Variants in PIK3R6 observed in about 807,000 individuals in gnomAD.
PIK3R6 encodes the protein phosphoinositide 3-kinase regulatory subunit 6.
Under a neutral mutation model 84.9 loss-of-function variants are expected in PIK3R6, and 91 were observed. The observed-to-expected ratio is 1.07, with a 90% confidence interval of 0.90 to 1.28. The LOEUF (loss-of-function observed/expected upper bound fraction) is 1.28, where lower values mean the gene tolerates loss of function less well. PIK3R6 is among the 50% of genes most tolerant of loss of function. The pLI is 0.00. For missense variants in PIK3R6, 996 were observed against 985.1 expected, an observed-to-expected ratio of 1.01 and a Z score of -0.15; for synonymous variants, 416 against 411.4, an observed-to-expected ratio of 1.01 and a Z score of -0.13.
intron 13 of PIK3R6, among the ~76,000 whole-genome samples, chr17:8,826,909 G>A (rs2087936539): frequency 6.6e-6 from 1 of 152,034 alleles, no homozygotes; most frequent in South Asian, 2.1e-4. Context: ...TCTTTTCCAC[G>A]GTGGTCTGGT....
intron 1 of PIK3R6, among the ~76,000 whole-genome samples, chr17:8,860,904 T>G (rs1471012866): frequency 7.8e-6 from 1 of 127,868 alleles, no homozygotes; most frequent in Non-Finnish European, 1.6e-5. Context: ...TATTGGGCTC[T>G]TGAAAGCAGA....
At chr17:8,837,481 C>T (rs927669468) in intron 5 of PIK3R6, among the ~76,000 whole-genome samples, 2 of 152,160 alleles carry the variant, frequency 1.3e-5, no homozygotes, top group Non-Finnish European at 1.5e-5. Context: ...ACGCAGCTCC[C>T]GATTACTCCT....
At position 8,829,366 on chromosome 17, in the gene PIK3R6, A is replaced by C. The variant is rs550051178; in HGVS notation, c.889+340T>G. 1.8e-4 allele frequency among the ~76,000 whole-genome samples: 15 copies of C among 84,972 alleles called. No homozygotes were observed. The East Asian group carries it at 4.9e-3, about 28-fold the overall frequency. The allele number at this position is 84,972 out of a possible 152,430, so 55.7% of individuals were successfully genotyped here. A position where few individuals can be genotyped will look rare whatever the true frequency, so the allele number is the denominator to read the frequency against. On this transcript the variant is annotated intron_variant, in intron 10 of 19. Coordinates refer to ENST00000619866, the MANE Select transcript of PIK3R6 (RefSeq NM_001010855.4). ...CACACAGACACACTGACACACACAC[A>C]TGCATGGATACACACACTGACACAC...
intron 8 of PIK3R6, 125 bp downstream of exon 8, chr17:8,835,148 A>T: frequency 8.9e-7 from 1 of 1,126,620 alleles, no homozygotes; most frequent in Non-Finnish European, 1.2e-6. Context: ...AAAATGTATT[A>T]ATTTTTGATT....
chr17:8,835,672 C>T (rs1184598817), intron 7 of PIK3R6, among the ~76,000 whole-genome samples: 1 of 152,138 alleles, frequency 6.6e-6, no homozygotes, highest in East Asian at 1.9e-4. Flanking sequence ...AGAGGGGCAG[C>T]TCTAATCCAC....
At chr17:8,861,087 C>T (rs1171655398) in intron 1 of PIK3R6, among the ~76,000 whole-genome samples, 1 of 150,126 alleles carries the variant, frequency 6.7e-6, no homozygotes, top group Non-Finnish European at 1.5e-5. Flanking sequence ...GAGGCTGAGG[C>T]AGGAGAATTG....
At chr17:8,863,829 C>T (rs937720098) in intron 1 of PIK3R6, among the ~76,000 whole-genome samples, 10 of 152,162 alleles carry the variant, frequency 6.6e-5, no homozygotes, top group East Asian at 1.9e-4. Flanking sequence ...CCACCGCGCC[C>T]GGCCAGTTTC....
At position 8,827,211 on chromosome 17, in the gene PIK3R6, G is replaced by T. The variant is rs1481064963; in HGVS notation, c.1476C>A (p.Val492=). The change falls in exon 13 of 20, where the codon GTC becomes GTA. Residue 492 remains valine, a synonymous_variant. Transcript: ENST00000619866. ...TGTGGATGGCGGGGCACAGCGTGTT[G>T]ACGTTGCTCTGGTACCACGGGTCTA... ...GRVDPWYQSN[V]NTLCPAIHKL... is the part of the protein sequence containing the mutation. 3 of 1,610,834 alleles carry T rather than the reference G, an allele frequency of 1.9e-6. No homozygotes were observed. The highest frequency in any genetic ancestry group is 2.5e-6 in the Non-Finnish European group (3 of 1,178,804).
intron 8 of PIK3R6, among the ~76,000 whole-genome samples, chr17:8,833,313 G>C (rs1211447872): frequency 6.6e-6 from 1 of 152,242 alleles, no homozygotes; most frequent in African/African-American, 2.4e-5. Flanking sequence ...GGCAGAGATA[G>C]CCACTGACGC....
At chr17:8,838,538 T>C in intron 4 of PIK3R6, 26 bp downstream of exon 4, 1 of 1,570,678 alleles carries the variant, frequency 6.4e-7, no homozygotes, top group Non-Finnish European at 8.6e-7. Flanking sequence ...CATCCCCGTC[T>C]TCCTCCCTGA....
chr17:8,827,934 A>C (rs1485137385), intron 12 of PIK3R6, among the ~76,000 whole-genome samples, 178 bp downstream of exon 12: 10 of 152,182 alleles, frequency 6.6e-5, no homozygotes, highest in Non-Finnish European at 1.5e-4. Context: ...TGCAACCCCC[A>C]GAGCACCGTC....
At chr17:8,854,341 G>A (rs2089068065) in intron 1 of PIK3R6, among the ~76,000 whole-genome samples, 1 of 152,062 alleles carries the variant, frequency 6.6e-6, no homozygotes, top group African/African-American at 2.4e-5. Flanking sequence ...TAGAGACAGG[G>A]TTTCACTATG....
chr17:8,843,668 C>G (rs930777755), intron 2 of PIK3R6, among the ~76,000 whole-genome samples: 13 of 152,102 alleles, frequency 8.5e-5, no homozygotes, highest in African/African-American at 2.9e-4. Context: ...TAGCTGCCAA[C>G]ATTTACAAGT....
intron 18 of PIK3R6, 81 bp from the exon 19 acceptor site, chr17:8,804,234 G>A: frequency 1.7e-6 from 2 of 1,190,324 alleles, no homozygotes; most frequent in Non-Finnish European, 2.5e-6. Flanking sequence ...CTGGAATCTG[G>A]TGTATTTCTT....
chr17:8,860,433 C>T (rs1232518365), intron 1 of PIK3R6, among the ~76,000 whole-genome samples: 1 of 151,100 alleles, frequency 6.6e-6, no homozygotes, highest in Admixed American at 6.6e-5. Flanking sequence ...GAATCCATCC[C>T]CATCCCCAGC....
rs1387197397 is a variant in PIK3R6, at chr17:8,822,000, C to G, written c.1789-64G>C. 5.3e-6 allele frequency: 7 copies of G among 1,314,986 alleles called. No homozygotes were observed. The Admixed American group carries it at 1.2e-4, about 23-fold the overall frequency. The allele number at this position is 1,314,986 out of a possible 1,614,324, so 81.5% of individuals were successfully genotyped here. On this transcript the variant is annotated intron_variant, in intron 16 of 19. Transcript: ENST00000619866. ...GACATACCCTTTCCCCATGCATCCC[C>G]ACATCCACAGTCTTGCCTCTCTCCC...
At chr17:8,810,674 A>T (rs1047043144) in intron 18 of PIK3R6, among the ~76,000 whole-genome samples, 2 of 148,372 alleles carry the variant, frequency 1.3e-5, no homozygotes, top group Non-Finnish European at 2.9e-5. Context: ...GCCCCATGCA[A>T]GTCTGAAGTC....
At position 8,819,209 on chromosome 17, in the gene PIK3R6, T is replaced by C. The variant is rs749794939; in HGVS notation, c.1880-11A>G. The C allele has an allele frequency of 6.4e-7, 1 of 1,574,706 alleles. No homozygotes were observed. Among genetic ancestry groups the C allele is most frequent in the Non-Finnish European group, 8.7e-7 (1 of 1,152,400 alleles). On this transcript the variant is annotated splice_polypyrimidine_tract_variant and intron_variant, in intron 17 of 19. Transcript: ENST00000619866. ...GGCTAGACCCTGAAACTGAATGAGATGGGTGGGGCTGTAAATGGACCTCCA... is the reference window on the plus strand; with the variant it reads ...GGCTAGACCCTGAAACTGAATGAGACGGGTGGGGCTGTAAATGGACCTCCA...
intron 8 of PIK3R6, among the ~76,000 whole-genome samples, chr17:8,834,156 C>T (rs1222982294): frequency 2.2e-5 from 1 of 46,462 alleles, no homozygotes; most frequent in Non-Finnish European, 4.6e-5. Context: ...GACTTCGTCT[C>T]AAAAAAAAAA....
Sources: allele counts gnomAD v4.1 joint callset (sites outside exome capture counted in the v4.1 genomes callset), GRCh38; gene constraint gnomAD v4.1.1; transcripts MANE v1.5; gene names NCBI Gene and HGNC (gene_info 2026-07-23, HGNC 2026-07-21).